CA1: variants seen among roughly 807,000 people sequenced by gnomAD.
CA1 encodes the protein carbonic anhydrase 1, also known as carbonate dehydratase I.
Under a neutral mutation model 28.8 loss-of-function variants are expected in CA1, and 27 were observed. The ratio of observed to expected loss-of-function variants is 0.94; its 90% CI spans 0.69 to 1.29. The LOEUF (loss-of-function observed/expected upper bound fraction) is 1.29. CA1 is among the 50% of genes most tolerant of loss of function. CA1 has a pLI of 0.00. For missense variants in CA1, 335 were observed against 310.5 expected (o/e 1.08, Z -0.59); for synonymous variants, 121 against 108.8 (o/e 1.11, Z -0.70).
intron 1 of CA1, among the ~76,000 whole-genome samples, chr8:85,360,768 C>G (rs1331039095): frequency 1.3e-5 from 2 of 152,178 alleles, no homozygotes; most frequent in African/African-American, 4.8e-5. Context: ...CTGTAAATGG[C>G]ATTACACCAT....
At chr8:85,340,381 C>T (rs1030752673) in intron 2 of CA1, among the ~76,000 whole-genome samples, 24 of 152,258 alleles carry the variant, frequency 1.6e-4, no homozygotes, top group African/African-American at 5.8e-4. Flanking sequence ...TATTTTCAAG[C>T]CCACTGTTGA....
chr8:85,335,371 C>T (rs1471331843), intron 4 of CA1, among the ~76,000 whole-genome samples: 1 of 152,144 alleles, frequency 6.6e-6, no homozygotes, highest in Non-Finnish European at 1.5e-5. Flanking sequence ...TGGGTTAACT[C>T]TTTTCATGCT....
At chr8:85,346,896 G>T (rs747528831) in intron 1 of CA1, among the ~76,000 whole-genome samples, 4 of 152,154 alleles carry the variant, frequency 2.6e-5, no homozygotes, top group Non-Finnish European at 5.9e-5. Context: ...AATATTGCAT[G>T]TGGCCTGAAA....
At position 85,352,622 on chromosome 8, in the gene CA1, C is replaced by T. The variant is rs1211172228; in HGVS notation, c.-24-10963G>A. On this transcript the variant is annotated intron_variant, in intron 1 of 7. Transcript: ENST00000523022. ...TGCTGCCTATGTCAGGATGCATGCCCCTGCTCTGCCCAGCCCCTTCCTGCC... is the reference window on the plus strand; with the variant it reads ...TGCTGCCTATGTCAGGATGCATGCCTCTGCTCTGCCCAGCCCCTTCCTGCC... Among the ~76,000 whole-genome samples the T allele has an allele frequency of 3.9e-5, 6 of 151,914 alleles. No homozygotes were observed. In the East Asian group the frequency reaches 1.2e-3, roughly 29 times the overall value.
At chr8:85,340,866 T>A (rs1287835964) in intron 2 of CA1, among the ~76,000 whole-genome samples, 1 of 152,068 alleles carries the variant, frequency 6.6e-6, no homozygotes, top group East Asian at 1.9e-4. Context: ...AATACTTGGC[T>A]GGGCGTGGTG....
chr8:85,365,526 T>G (rs1006523565), intron 1 of CA1, among the ~76,000 whole-genome samples: 10 of 152,224 alleles, frequency 6.6e-5, no homozygotes, highest in African/African-American at 2.4e-4. Flanking sequence ...CACAGTGTTC[T>G]GCACCCGTTC....
Position 85,332,500 on chromosome 8 carries a change from A to G in CA1, c.503T>C (p.Ile168Thr). 1 of 1,612,632 alleles carries G rather than the reference A, an allele frequency of 6.2e-7. No homozygotes were observed. The change falls in exon 6 of 8, where the codon ATT becomes ACT. Residue 168 changes from isoleucine (I) to threonine (T), a missense_variant. By Grantham distance (89) the Ile-to-Thr change is moderately conservative (BLOSUM62 -1). Transcript: ENST00000523022. ...LQKVLDALQAIKTKGKRAPFT... is the reference protein window; with the variant it reads ...LQKVLDALQATKTKGKRAPFT... ...ATTTAGTGTGTTTACCTTGGTTTTA[A>G]TTGCTTGGAGGGCATCAAGTACTTT...
chr8:85,337,554 A>G (rs975463322), intron 3 of CA1, among the ~76,000 whole-genome samples: 3 of 152,162 alleles, frequency 2.0e-5, no homozygotes, highest in African/African-American at 4.8e-5. Flanking sequence ...CCAGGGACCA[A>G]GAGAGAGTAC....
chr8:85,332,678 A>T, intron 5 of CA1, 126 bp from the exon 6 acceptor site: 1 of 725,568 alleles, frequency 1.4e-6, no homozygotes. Flanking sequence ...TCTGCTTTAG[A>T]AGGGGAGATT....
intron 1 of CA1, among the ~76,000 whole-genome samples, chr8:85,366,632 A>G (rs1220797372): frequency 6.6e-6 from 1 of 152,228 alleles, no homozygotes; most frequent in African/African-American, 2.4e-5. Flanking sequence ...GAAATTGAAA[A>G]ATTAACAAGA....
intron 1 of CA1, among the ~76,000 whole-genome samples, chr8:85,344,507 T>A (rs916029597): frequency 6.6e-6 from 1 of 151,430 alleles, no homozygotes; most frequent in East Asian, 1.9e-4. Context: ...AAATCAGTTT[T>A]AAATTATATT....
chr8:85,372,568 C>T (rs1810267008), intron 1 of CA1, among the ~76,000 whole-genome samples: 3 of 152,132 alleles, frequency 2.0e-5, no homozygotes, highest in Admixed American at 1.3e-4. Context: ...TGGAAACAAA[C>T]CCAGTGTTTA....
At chr8:85,338,135 C>A (rs777989325) in intron 3 of CA1, 117 bp downstream of exon 3, 2 of 961,862 alleles carry the variant, frequency 2.1e-6, no homozygotes, top group East Asian at 2.4e-5. Context: ...TAGATTACAG[C>A]AATGCTGCAC....
chr8:85,352,690 A>T (rs979497573), intron 1 of CA1, among the ~76,000 whole-genome samples: 6 of 142,674 alleles, frequency 4.2e-5, no homozygotes, highest in African/African-American at 1.6e-4. Context: ...TTTTTGAGAC[A>T]TAGTCTCACT....
In CA1 at chr8:85,338,345, T is replaced by C; in HGVS notation, c.142A>G (p.Ile48Val). 1.9e-6 allele frequency: 3 copies of C among 1,613,792 alleles called. No individual in the cohort carries two copies. Among genetic ancestry groups the C allele is most frequent in the South Asian group, 1.1e-5 (1 of 91,084 alleles). The change falls in exon 3 of 8, where the codon ATT (isoleucine) becomes GTT (valine). Residue 48 changes from isoleucine to valine, a missense_variant. By Grantham distance (29) the Ile-to-Val change is conservative. Transcript: ENST00000523022. ...GTGGCTGGGTTGTAGGAGACACTAA[T>C]AGGTTTCAGAGAGGTGTCATGTTTG... ...ETKHDTSLKP[I>V]SVSYNPATAK...
chr8:85,366,406 A>G (rs901961359), intron 1 of CA1, among the ~76,000 whole-genome samples: 9 of 152,162 alleles, frequency 5.9e-5, no homozygotes, highest in Non-Finnish European at 8.8e-5. Flanking sequence ...AAAATAGCCA[A>G]TGGCCAACAG....
At chr8:85,342,745 C>T (rs1808978116) in intron 1 of CA1, 1 of 152,206 alleles carries the variant, frequency 6.6e-6, no homozygotes, top group Admixed American at 6.6e-5. Context: ...GAAAAATAAG[C>T]TACCATAGTG....
chr8:85,360,070 T>G (rs1326668640), intron 1 of CA1, among the ~76,000 whole-genome samples: 1 of 152,186 alleles, frequency 6.6e-6, no homozygotes. Context: ...ACGGTTCAAG[T>G]CCCATTGAAT....
intron 1 of CA1, among the ~76,000 whole-genome samples, chr8:85,358,899 G>A (rs2130331362): frequency 6.6e-6 from 1 of 152,278 alleles, no homozygotes; most frequent in Middle Eastern, 3.4e-3. Context: ...CAGTGAGTAA[G>A]TCCAGGTAAA....
Sources: allele counts gnomAD v4.1 joint callset (sites outside exome capture counted in the v4.1 genomes callset), GRCh38; gene constraint gnomAD v4.1.1; transcripts MANE v1.5; gene names NCBI Gene and HGNC (gene_info 2026-07-23, HGNC 2026-07-21).